The following GPR158 variants were observed in gnomAD, a reference collection of about 807,000 sequenced individuals.
The protein encoded by GPR158 is metabotropic glycine receptor.
Under a neutral mutation model 78.2 loss-of-function variants are expected in GPR158, and 30 were observed. That is an observed-to-expected ratio of 0.38 (90% CI 0.29 to 0.52). The LOEUF is 0.52. Ranked by LOEUF, GPR158 falls within the 20% of genes least tolerant of loss-of-function variation. The probability of loss-of-function intolerance (pLI) is 0.83; values close to 1 mark genes in which losing one functional copy is unlikely to be tolerated. For synonymous variants in GPR158, 581 were observed against 591.1 expected (o/e 0.98, Z 0.25); for missense variants, 1,463 against 1,523.5 (o/e 0.96, Z 0.66).
chr10:25,184,161 A>G (rs1852650997), intron 1 of GPR158, among the ~76,000 whole-genome samples: 1 of 152,230 alleles, frequency 6.6e-6, no homozygotes, highest in Admixed American at 6.5e-5. Context: ...ATATGGAAGC[A>G]AAATGTAAAC....
intron 2 of GPR158, among the ~76,000 whole-genome samples, chr10:25,277,402 T>C (rs1156901183): frequency 6.6e-6 from 1 of 151,932 alleles, no homozygotes. Flanking sequence ...TACGATATTC[T>C]GAAAAGCTGA....
chr10:25,443,694 A>G (rs1221662584), intron 4 of GPR158, among the ~76,000 whole-genome samples: 4 of 150,794 alleles, frequency 2.7e-5, no homozygotes, highest in Non-Finnish European at 5.9e-5. Flanking sequence ...GTTTTGAGAC[A>G]CTGCTCCCAG....
In GPR158 at chr10:25,479,209, T is replaced by TA. The variant is rs536337079; in HGVS notation, c.1404+12498dup. Among the ~76,000 whole-genome samples, 174 of 152,084 alleles carry TA rather than the reference T, an allele frequency of 1.1e-3. 1 individual carries two copies. Among genetic ancestry groups the TA allele is most frequent in the African/African-American group, 3.7e-3 (154 of 41,504 alleles). ...TGGTTCTAAAAGATCTTTCTAAAGT[T>TA]AAAAAAAATTGTAATACATTTAAAA... On this transcript the variant is annotated intron_variant, in intron 5 of 10. Transcript: ENST00000376351.
intron 2 of GPR158, among the ~76,000 whole-genome samples, chr10:25,324,036 A>C (rs1366837381): frequency 6.6e-6 from 1 of 152,224 alleles, no homozygotes; most frequent in African/African-American, 2.4e-5. Context: ...TTACAGATCA[A>C]GGGAATGTCA....
intron 5 of GPR158, among the ~76,000 whole-genome samples, chr10:25,526,119 A>AG (rs2130688215): frequency 6.6e-6 from 1 of 151,164 alleles, no homozygotes; most frequent in East Asian, 2.0e-4. Context: ...AAAAAAAAAA[A>AG]AAAAAAAAAA....
At chr10:25,577,480 G>A (rs1837118684) in intron 7 of GPR158, among the ~76,000 whole-genome samples, 1 of 152,122 alleles carries the variant, frequency 6.6e-6, no homozygotes, top group Non-Finnish European at 1.5e-5. Flanking sequence ...TGCATTCTGG[G>A]ATCAGCTTTA....
rs1834507245 is a variant in GPR158, at chr10:25,405,802, G to T, written c.1112-6448G>T. ...TTATAAAGGAGCAAAAATGACCACA[G>T]GCAAGAATAAACTACTTCTAGGAAG... On this transcript the variant is annotated intron_variant, in intron 3 of 10. Transcript: ENST00000376351. Among the ~76,000 whole-genome samples the T allele has an allele frequency of 2.0e-5, 3 of 151,920 alleles. No individual in the cohort carries two copies. The South Asian group carries it at 6.2e-4, about 32-fold the overall frequency.
At chr10:25,322,382 AAAAAAAAAAG>A (rs1854964364) in intron 2 of GPR158, among the ~76,000 whole-genome samples, 1 of 150,700 alleles carries the variant, frequency 6.6e-6, no homozygotes, top group Admixed American at 6.6e-5. Context: ...CTCCGTCTCA[AAAAAAAAAAG>A]AAAAAAAAAG....
At chr10:25,197,788 G>A (rs1322776232) in intron 1 of GPR158, among the ~76,000 whole-genome samples, 1 of 152,132 alleles carries the variant, frequency 6.6e-6, no homozygotes, top group African/African-American at 2.4e-5. Flanking sequence ...TCTATAAAGT[G>A]AGAAAAGTGT....
At chr10:25,336,970 GTTTTC>G (rs1855216982) in intron 2 of GPR158, among the ~76,000 whole-genome samples, 1 of 151,786 alleles carries the variant, frequency 6.6e-6, no homozygotes, top group Non-Finnish European at 1.5e-5. Context: ...GTATATTTTT[GTTTTC>G]TTATATTCTT....
intron 5 of GPR158, among the ~76,000 whole-genome samples, chr10:25,532,859 C>T (rs533737088): frequency 5.3e-5 from 8 of 152,228 alleles, no homozygotes; most frequent in East Asian, 1.9e-4. Flanking sequence ...GAATGTGCAT[C>T]TACATATTCC....
intron 2 of GPR158, among the ~76,000 whole-genome samples, chr10:25,327,892 T>G (rs1166365032): frequency 6.6e-6 from 1 of 152,226 alleles, no homozygotes; most frequent in Non-Finnish European, 1.5e-5. Context: ...TTTTGAAAGT[T>G]TGTATACATT....
chr10:25,407,679 T>G, intron 3 of GPR158, among the ~76,000 whole-genome samples: 1 of 152,148 alleles, frequency 6.6e-6, no homozygotes. Flanking sequence ...TGCTTTTCTT[T>G]CTGTCTCACA....
intron 7 of GPR158, among the ~76,000 whole-genome samples, chr10:25,573,547 G>A (rs1288880335): frequency 6.6e-6 from 1 of 152,080 alleles, no homozygotes; most frequent in Non-Finnish European, 1.5e-5. Context: ...GCAGCCCAGT[G>A]TTTTGAAAAA....
chr10:25,551,739 C>G (rs1393195736), intron 6 of GPR158, among the ~76,000 whole-genome samples: 2 of 152,108 alleles, frequency 1.3e-5, no homozygotes, highest in African/African-American at 4.8e-5. Flanking sequence ...GCTCTCTTGC[C>G]TCCTTTTTCC....
chr10:25,383,365 T>C (rs1475112273), intron 2 of GPR158, among the ~76,000 whole-genome samples: 1 of 152,156 alleles, frequency 6.6e-6, no homozygotes, highest in Non-Finnish European at 1.5e-5. Flanking sequence ...TAGATAAGTC[T>C]CCGGTCAAAA....
chr10:25,526,425 A>G (rs891141256), intron 5 of GPR158, among the ~76,000 whole-genome samples: 1 of 152,106 alleles, frequency 6.6e-6, no homozygotes, highest in African/African-American at 2.4e-5. Context: ...ATAGAGTTTG[A>G]TCCTGCTAGA....
intron 5 of GPR158, chr10:25,475,963 CT>C (rs1184403317): frequency 6.6e-6 from 1 of 152,008 alleles, no homozygotes; most frequent in Non-Finnish European, 1.5e-5. Flanking sequence ...TTATTTTTGC[CT>C]TTTCTAAGCA....
intron 4 of GPR158, among the ~76,000 whole-genome samples, chr10:25,432,856 G>T (rs1834931251): frequency 6.6e-6 from 1 of 152,116 alleles, no homozygotes; most frequent in Non-Finnish European, 1.5e-5. Context: ...TAATGAACAG[G>T]ACAAACAAGA....
Sources: gnomAD v4.1 joint callset for allele counts (sites outside exome capture counted in the v4.1 genomes callset) on GRCh38, gnomAD v4.1.1 for gene constraint, MANE v1.5 for transcripts, NCBI Gene and HGNC (gene_info 2026-07-23, HGNC 2026-07-21) for gene names.